The following CILP variants were observed in gnomAD, a reference collection of about 807,000 sequenced individuals.
CILP encodes the protein cartilage intermediate layer protein 1.
A neutral mutation model predicts 82.5 loss-of-function variants in CILP; 75 were observed. That is an observed-to-expected ratio of 0.91 (90% CI 0.75 to 1.10). CILP has a LOEUF of 1.10. Ranked by LOEUF, CILP falls within the 50% of genes least tolerant of loss-of-function variation. CILP has a pLI of 0.00. For synonymous variants in CILP, 530 were observed against 580.3 expected, an observed-to-expected ratio of 0.91 and a Z score of 1.25; for missense variants, 1,479 against 1,530.8, an observed-to-expected ratio of 0.97 and a Z score of 0.56.
chr15:65,202,891 A>G (rs1158253921), intron 7 of CILP, among the ~76,000 whole-genome samples: 2 of 139,466 alleles, frequency 1.4e-5, no homozygotes, highest in Non-Finnish European at 3.0e-5. Flanking sequence ...GCTGGAGTGC[A>G]GTGGTGTGAT....
At chr15:65,201,337 T>C (rs2088448856) in intron 8 of CILP, among the ~76,000 whole-genome samples, 1 of 152,102 alleles carries the variant, frequency 6.6e-6, no homozygotes, top group African/African-American at 2.4e-5. Context: ...GTCGCTTATT[T>C]ACATGTCTTC....
chr15:65,197,920 T>C lies in CILP; in HGVS notation c.2366A>G (p.Asn789Ser), dbSNP rs1009981427. The C allele has an allele frequency of 7.4e-6, 12 of 1,613,926 alleles. No individual in the cohort carries two copies. The African/African-American group carries it at 1.1e-4, about 14-fold the overall frequency. Reference sequence around the variant, plus strand: ...GTCAAAGCGGCCCCAGGCCCTAGGGTTGGACAAGAAGCCAGTTCTAGGCTC... The same window carrying C: ...GTCAAAGCGGCCCCAGGCCCTAGGGCTGGACAAGAAGCCAGTTCTAGGCTC... ...NLEPRTGFLS[N>S]PRAWGRFDSV... The change falls in exon 9 of 9, where the codon AAC becomes AGC. Residue 789 changes from asparagine to serine, a missense_variant. Physicochemically the swap from Asn to Ser is conservative, Grantham distance 46 (BLOSUM62 1). Coordinates refer to ENST00000261883, the MANE Select transcript of CILP (RefSeq NM_003613.4).
At position 65,197,383 on chromosome 15, in the gene CILP, A is replaced by G. The variant is rs1415929792; in HGVS notation, c.2903T>C (p.Val968Ala). The G allele has an allele frequency of 6.2e-7, 1 of 1,614,204 alleles. No individual in the cohort carries two copies. Among genetic ancestry groups the G allele is most frequent in the Non-Finnish European group, 8.5e-7 (1 of 1,180,032 alleles). Residue 968 changes from valine to alanine, a missense_variant, in exon 9 of 9, where the codon GTG becomes GCG. Physicochemically the swap from Val to Ala is moderately conservative, Grantham distance 64 (BLOSUM62 0). Transcript: ENST00000261883. ...VKIVGPLEVN[V>A]RSRNMGGTHR... ...AGTGCCCCCCATGTTGCGGGATCGC[A>G]CATTCACTTCCAGTGGCCCCACAAT...
chr15:65,199,871 A>G (rs1227990926), intron 8 of CILP, among the ~76,000 whole-genome samples: 1 of 152,230 alleles, frequency 6.6e-6, no homozygotes, highest in Non-Finnish European at 1.5e-5. Flanking sequence ...GGCTTTAACC[A>G]TATACTGAAT....
At chr15:65,204,228 T>C (rs1386850158) in intron 6 of CILP, 40 bp downstream of exon 6, 1 of 1,566,026 alleles carries the variant, frequency 6.4e-7, no homozygotes, top group East Asian at 2.2e-5. Flanking sequence ...TTTAAAAATC[T>C]GGACCTTCTC....
In CILP at chr15:65,197,224, T is replaced by G. The variant is rs1387019454; in HGVS notation, c.3062A>C (p.Asp1021Ala). ...GGGGATGACCTTCACCAGGGTGCGG[T>G]CCACACGGTCCTGATCATAGAGCAT... ...SGMLYDQDRV[D>A]RTLVKVIPQG... is the part of the protein sequence containing the mutation. Residue 1021 changes from aspartate to alanine, a missense_variant, in exon 9 of 9, where the codon GAC becomes GCC. By Grantham distance (126) the Asp-to-Ala change is moderately radical (BLOSUM62 -2). Transcript: ENST00000261883. The G allele has an allele frequency of 6.2e-7, 1 of 1,614,050 alleles. No homozygotes were observed. The highest frequency in any genetic ancestry group is 2.2e-5 in the East Asian group (1 of 44,876).
Position 65,198,327 on chromosome 15 carries a change from G to A in CILP, c.1959C>T (p.Pro653=), listed in dbSNP as rs142960509. 1 of 1,614,224 alleles carries A rather than the reference G, an allele frequency of 6.2e-7. No individual in the cohort carries two copies. ...CAGAGAACATGCCATACGTCCGAAG[G>A]GGGAAAGTGTCTCCTTCGTCATTGA... ...NFINDEGDTF[P]LRTYGMFSVD... Residue 653 remains proline (P), a synonymous_variant, in exon 9 of 9, where the codon CCC becomes CCT. Coordinates refer to ENST00000261883, the MANE Select transcript of CILP (RefSeq NM_003613.4).
Position 65,197,977 on chromosome 15 carries a change from A to G in CILP, c.2309T>C (p.Ile770Thr). 2 of 1,614,170 alleles carry G rather than the reference A, an allele frequency of 1.2e-6. No individual in the cohort carries two copies. The highest frequency in any genetic ancestry group is 1.7e-6 in the Non-Finnish European group (2 of 1,180,036). Residue 770 changes from isoleucine to threonine, a missense_variant, in exon 9 of 9, where the codon ATC becomes ACC. Ile to Thr is a moderately conservative substitution (Grantham distance 89, BLOSUM62 -1). Coordinates refer to ENST00000261883, the MANE Select transcript of CILP (RefSeq NM_003613.4). ...AATCACGGAGATCACAACCCCCTGG[A>G]TCTGCTCACTAGGCAAGAACCTCTC... ...RSERFLPSEQIQGVVISVINL... is the reference protein window; with the variant it reads ...RSERFLPSEQTQGVVISVINL...
chr15:65,208,947 C>G (rs886439605), intron 2 of CILP, among the ~76,000 whole-genome samples: 2 of 150,802 alleles, frequency 1.3e-5, no homozygotes, highest in African/African-American at 2.4e-5. Flanking sequence ...GCTGAGACAG[C>G]CTTTGTTCCT....
At chr15:65,199,169 C>G (rs1038846166) in intron 8 of CILP, 70 bp from the exon 9 acceptor site, 2 of 1,071,420 alleles carry the variant, frequency 1.9e-6, no homozygotes, top group Non-Finnish European at 2.7e-6. Context: ...CTCAACCTCA[C>G]CTCTCTACAG....
rs763251583 is a variant in CILP, at chr15:65,198,436, A to G, written c.1850T>C (p.Ile617Thr). The stretch of plus-strand genomic sequence containing the variant: ...GGTCACACTGGCCTTCACTTTTCCT[A>G]TGTAGGGCTCCCCATTCTGCCTGTA... ...SFYRQNGEPYIGKVKASVTFL... is the reference protein window; with the variant it reads ...SFYRQNGEPYTGKVKASVTFL... Residue 617 changes from isoleucine to threonine, a missense_variant, in exon 9 of 9, where the codon ATA (isoleucine) becomes ACA (threonine). Ile to Thr is a moderately conservative substitution (Grantham distance 89). Transcript: ENST00000261883. 1.9e-6 allele frequency: 3 copies of G among 1,614,190 alleles called. No individual in the cohort carries two copies. Among genetic ancestry groups the G allele is most frequent in the South Asian group, 1.1e-5 (1 of 91,088 alleles).
Position 65,206,973 on chromosome 15 carries a change from C to G in CILP, c.233G>C (p.Arg78Pro), listed in dbSNP as rs111290227. Residue 78 changes from arginine (R) to proline (P), a missense_variant, in exon 4 of 9, where the codon CGC (arginine) becomes CCC (proline). Transcript: ENST00000261883. Reference protein sequence around the residue: ...KGDYERLDAIRFYYGDRVCAR... With the variant: ...KGDYERLDAIPFYYGDRVCAR... ...ACATACACGGTCCCCATAGTAGAAG[C>G]GAATGGCGTCCAGCCGCTCATAGTC... is the stretch of plus-strand genomic sequence containing the variant. The G allele has an allele frequency of 1.9e-6, 3 of 1,613,944 alleles. No homozygotes were observed. The highest frequency in any genetic ancestry group is 1.7e-6 in the Non-Finnish European group (2 of 1,179,978).
At chr15:65,201,136 G>A (rs1013255897) in intron 8 of CILP, among the ~76,000 whole-genome samples, 2 of 151,970 alleles carry the variant, frequency 1.3e-5, no homozygotes, top group Non-Finnish European at 2.9e-5. Flanking sequence ...TGAGTAGCTG[G>A]GATTACAGGC....
In CILP at chr15:65,207,744, G is replaced by A; in HGVS notation, c.82C>T (p.Gln28Ter). 1.2e-6 allele frequency: 2 copies of A among 1,614,122 alleles called. No individual in the cohort carries two copies. The highest frequency in any genetic ancestry group is 1.1e-5 in the South Asian group (1 of 91,074). ...SVLGRQTMLT[Q>*]SVRRVQPGKK... ...CCAGGCTGGACTCTTCTTACTGACT[G>A]GGTGAGCATCGTCTGTCTCCCTGAG... Residue 28 changes from glutamine to a stop codon, truncating the protein, a stop_gained, in exon 3 of 9, where the codon CAG (glutamine) becomes TAG (stop). Coordinates refer to ENST00000261883, the MANE Select transcript of CILP (RefSeq NM_003613.4). LOFTEE classifies it high-confidence loss of function.
intron 7 of CILP, 43 bp from the exon 8 acceptor site, chr15:65,202,072 G>A: frequency 6.9e-7 from 1 of 1,455,206 alleles, no homozygotes; most frequent in Non-Finnish European, 9.1e-7. Flanking sequence ...GCAGTGGGAG[G>A]GCAGGTATTC....
intron 6 of CILP, among the ~76,000 whole-genome samples, chr15:65,204,012 G>C (rs188255122): frequency 6.6e-6 from 1 of 152,250 alleles, no homozygotes; most frequent in African/African-American, 2.4e-5. Context: ...AGGCCCTGAG[G>C]CAGGAATGTG....
intron 1 of CILP, among the ~76,000 whole-genome samples, chr15:65,211,196 C>A (rs2088582888): frequency 6.6e-6 from 1 of 152,082 alleles, no homozygotes; most frequent in Non-Finnish European, 1.5e-5. Context: ...CTAAGTGGGA[C>A]CATCTGGGGG....
intron 8 of CILP, 65 bp from the exon 9 acceptor site, chr15:65,199,164 C>T: frequency 2.7e-6 from 3 of 1,115,414 alleles, no homozygotes; most frequent in South Asian, 3.0e-5. Flanking sequence ...AGTACCTCAA[C>T]CTCACCTCTC....
chr15:65,197,021 C>A lies in CILP; in HGVS notation c.3265G>T (p.Glu1089Ter), dbSNP rs1469948938. ...VTDQDPRTAK[E>*]IALGRCFDGT... The stretch of plus-strand genomic sequence containing the variant: ...TCAAAGCACCGGCCGAGCGCGATCT[C>A]CTTGGCCGTGCGAGGGTCCTGGTCA... The change falls in exon 9 of 9, where the codon GAG becomes TAG. Residue 1089 changes from glutamate (E) to a stop codon, truncating the protein, a stop_gained. Transcript: ENST00000261883. LOFTEE classifies it low-confidence loss of function (END_TRUNC). 6.2e-7 allele frequency: 1 copy of A among 1,614,214 alleles called. No homozygotes were observed. Among genetic ancestry groups the A allele is most frequent in the South Asian group, 1.1e-5 (1 of 91,086 alleles).
Sources: allele counts gnomAD v4.1 joint callset (sites outside exome capture counted in the v4.1 genomes callset), GRCh38; gene constraint gnomAD v4.1.1; transcripts MANE v1.5; gene names NCBI Gene and HGNC (gene_info 2026-07-23, HGNC 2026-07-21).